Variants in BICRA observed in about 807,000 individuals in gnomAD.
BICRA encodes BRD4-interacting chromatin-remodeling complex-associated protein.
In BICRA, 31 loss-of-function variants were observed where a neutral mutation model predicts 96.9. The ratio of observed to expected loss-of-function variants is 0.32; its 90% confidence interval spans 0.24 to 0.43. The LOEUF (loss-of-function observed/expected upper bound fraction) is 0.43, where lower values mean the gene tolerates loss of function less well. Among genes scored for constraint, BICRA ranks in the 20% least tolerant of loss-of-function variants. BICRA has a pLI of 1.00. For synonymous variants in BICRA, 1,350 were observed against 1,071.8 expected, an observed-to-expected ratio of 1.26 and a Z score of -5.07; for missense variants, 2,283 against 2,190.3, an observed-to-expected ratio of 1.04 and a Z score of -0.84.
intron 1 of BICRA, among the ~76,000 whole-genome samples, chr19:47,661,298 C>T (rs574051527): frequency 3.6e-4 from 55 of 151,790 alleles, no homozygotes; most frequent in African/African-American, 1.2e-3. Flanking sequence ...CAGAGGTGGC[C>T]GTAGCCAAGG....
intron 11 of BICRA, among the ~76,000 whole-genome samples, chr19:47,697,946 A>T (rs550202140): frequency 6.6e-6 from 1 of 152,138 alleles, no homozygotes; most frequent in African/African-American, 2.4e-5. Context: ...GGCTCAGACA[A>T]TCCTTCTGCC....
rs986299888 is a variant in BICRA at position 47,698,624 on chromosome 19, C to A, written c.3249-10C>A. The A allele has an allele frequency of 3.9e-6, 4 of 1,016,756 alleles. No homozygotes were observed. Among genetic ancestry groups the A allele is most frequent in the Non-Finnish European group, 5.8e-6 (4 of 695,214 alleles). 63.0% of individuals were successfully genotyped at this position (1,016,756 alleles called of 1,614,324 possible). On this transcript the variant is annotated splice_polypyrimidine_tract_variant and intron_variant, in intron 11 of 14. Coordinates refer to ENST00000594866, the MANE Select transcript of BICRA (RefSeq NM_001394372.1). This position sits in a 1 kb window ranked among gnomAD's most constrained non-coding sequence, Gnocchi z 4.8. Reference sequence around the variant, plus strand: ...CCGCCGTGTGTGGTCTCTCCCCTTTCCACCCGCAGTTTCCTGGAGCATTTG... The same window carrying A: ...CCGCCGTGTGTGGTCTCTCCCCTTTACACCCGCAGTTTCCTGGAGCATTTG...
chr19:47,693,238 G>C (rs1484079020), intron 7 of BICRA, among the ~76,000 whole-genome samples: 1 of 152,252 alleles, frequency 6.6e-6, no homozygotes, highest in African/African-American at 2.4e-5. Flanking sequence ...GGAGGGTCCA[G>C]AACGGCAAGG....
intron 1 of BICRA, among the ~76,000 whole-genome samples, chr19:47,642,489 C>T (rs1051641088): frequency 6.6e-6 from 1 of 152,040 alleles, no homozygotes; most frequent in Non-Finnish European, 1.5e-5. Flanking sequence ...CTGCTTGTGC[C>T]CAGGAGTTTG....
rs745919921 is a variant in BICRA, at chr19:47,673,625, G to A, written c.41+10G>A. 7 of 1,604,100 alleles carry A rather than the reference G, an allele frequency of 4.4e-6. No homozygotes were observed. Among genetic ancestry groups the A allele is most frequent in the African/African-American group, 2.7e-5 (2 of 74,686 alleles). The stretch of plus-strand genomic sequence containing the variant: ...TACTAGACGTGATTTGGTGAGTAAC[G>A]GGCTCCCCACCCCCTGCCCTCTGTC... On this transcript the variant is annotated intron_variant, in intron 3 of 14. Transcript: ENST00000594866.
At chr19:47,696,608 C>A in intron 11 of BICRA, 96 bp downstream of exon 11, 1 of 1,137,418 alleles carries the variant, frequency 8.8e-7, no homozygotes, top group Non-Finnish European at 1.3e-6. Context: ...TGGGCAGGCC[C>A]AAGTGCCAAG....
intron 1 of BICRA, among the ~76,000 whole-genome samples, chr19:47,650,587 G>A (rs1972526447): frequency 6.6e-6 from 1 of 152,128 alleles, no homozygotes; most frequent in Non-Finnish European, 1.5e-5. Context: ...ATGGCAAAAG[G>A]TGCAATGATT....
intron 1 of BICRA, among the ~76,000 whole-genome samples, chr19:47,637,399 G>A (rs1262258254): frequency 2.0e-5 from 3 of 151,606 alleles, no homozygotes; most frequent in South Asian, 2.1e-4. Context: ...GAATACAGGC[G>A]TGAGCCACTG....
intron 1 of BICRA, among the ~76,000 whole-genome samples, chr19:47,636,186 A>C (rs1972298472): frequency 6.6e-6 from 1 of 152,142 alleles, no homozygotes; most frequent in African/African-American, 2.4e-5. Context: ...GGTCCCAATT[A>C]TTTCAGGTTA....
chr19:47,662,289 G>T (rs1160660322), intron 1 of BICRA: 2 of 152,590 alleles, frequency 1.3e-5, no homozygotes, highest in East Asian at 3.8e-4. Flanking sequence ...GGGTGATGGG[G>T]TGATGGGCAC....
intron 1 of BICRA, among the ~76,000 whole-genome samples, chr19:47,644,082 G>A (rs578168941): frequency 3.3e-5 from 5 of 151,800 alleles, no homozygotes; most frequent in African/African-American, 1.2e-4. Flanking sequence ...GCAGTGGGGG[G>A]ATCATGGCTC....
intron 5 of BICRA, among the ~76,000 whole-genome samples, chr19:47,677,123 G>C (rs1411584043): frequency 5.9e-5 from 9 of 152,190 alleles, no homozygotes; most frequent in Non-Finnish European, 1.0e-4. Context: ...CGCCTCATGG[G>C]ACTGTCACCA....
chr19:47,676,902 C>T (rs1972950734), intron 5 of BICRA, among the ~76,000 whole-genome samples: 4 of 152,090 alleles, frequency 2.6e-5, no homozygotes, highest in African/African-American at 7.2e-5. Flanking sequence ...ACTCTCCACA[C>T]GTGACATCAG....
chr19:47,622,141 A>ACTTTATTTTTT, intron 1 of BICRA, among the ~76,000 whole-genome samples: 1 of 151,430 alleles, frequency 6.6e-6, no homozygotes, highest in Admixed American at 6.6e-5. Context: ...TAATTTTTGT[A>ACTTTATTTTTT]TTTTTAGTAG....
At chr19:47,696,304 C>T in intron 10 of BICRA, 147 bp from the exon 11 acceptor site, 2 of 680,618 alleles carry the variant, frequency 2.9e-6, no homozygotes, top group South Asian at 1.8e-5. Flanking sequence ...TTGTGATGGG[C>T]AGGGGATCCT....
intron 1 of BICRA, among the ~76,000 whole-genome samples, chr19:47,643,617 G>A (rs1474713116): frequency 6.6e-6 from 1 of 152,214 alleles, no homozygotes; most frequent in Non-Finnish European, 1.5e-5. Flanking sequence ...CTCAGCAGAA[G>A]CCACACTGTC....
intron 1 of BICRA, among the ~76,000 whole-genome samples, chr19:47,669,742 C>T (rs909107200): frequency 5.3e-4 from 79 of 150,412 alleles, no homozygotes; most frequent in African/African-American, 1.8e-3. Flanking sequence ...CTGCAAGCTC[C>T]GCCTCACGGG....
At chr19:47,665,313 T>C (rs943396279) in intron 1 of BICRA, among the ~76,000 whole-genome samples, 4 of 152,364 alleles carry the variant, frequency 2.6e-5, no homozygotes, top group African/African-American at 9.6e-5. Context: ...CAGATATTTA[T>C]TGAGCTCCTA....
Position 47,702,142 on chromosome 19 carries a change from C to G in BICRA, c.4410C>G (p.Pro1470=), listed in dbSNP as rs773869782. 14 of 1,548,396 alleles carry G rather than the reference C, an allele frequency of 9.0e-6. No individual in the cohort carries two copies. In the South Asian group the frequency reaches 1.7e-4, roughly 18 times the overall value. ...GDPDWEAPGL[P]PAKRRKSESP... The stretch of plus-strand genomic sequence containing the variant: ...CCGACTGGGAGGCGCCCGGGCTGCC[C>G]CCTGCCAAGCGGCGCAAGTCCGAGT... Residue 1470 remains proline (P), a synonymous_variant, in exon 15 of 15, where the codon CCC becomes CCG. Coordinates refer to ENST00000594866, the MANE Select transcript of BICRA (RefSeq NM_001394372.1).
Sources: gnomAD v4.1 joint callset for allele counts (sites outside exome capture counted in the v4.1 genomes callset) on GRCh38, gnomAD v4.1.1 for gene constraint, Gnocchi (gnomAD v3.1) non-coding constraint, MANE v1.5 for transcripts, NCBI Gene and HGNC (gene_info 2026-07-23, HGNC 2026-07-21) for gene names.